Variants in ADIPOR2 observed in about 807,000 individuals in gnomAD.
The protein encoded by ADIPOR2 is adiponectin receptor 2, also known as adiponectin receptor protein 2.
In ADIPOR2, 18 loss-of-function variants were observed where a neutral mutation model predicts 40.9. The observed-to-expected ratio is 0.44, with a 90% confidence interval of 0.30 to 0.65. The LOEUF (loss-of-function observed/expected upper bound fraction) is 0.65, where lower values mean the gene tolerates loss of function less well. ADIPOR2 is among the 30% of genes least tolerant of loss of function. The pLI, the probability that ADIPOR2 is intolerant of heterozygous loss-of-function variation, is 0.09. For missense variants in ADIPOR2, 283 were observed against 479.2 expected, an observed-to-expected ratio of 0.59 and a Z score of 3.82; for synonymous variants, 165 against 166.4, an observed-to-expected ratio of 0.99 and a Z score of 0.06.
chr12:1,771,195 C>T (rs1862486916), intron 2 of ADIPOR2, among the ~76,000 whole-genome samples: 1 of 152,030 alleles, frequency 6.6e-6, no homozygotes. Flanking sequence ...TGGTGCATAC[C>T]TGTAGTGCAC....
chr12:1,775,654 C>G (rs2154444263), intron 3 of ADIPOR2, among the ~76,000 whole-genome samples: 1 of 152,242 alleles, frequency 6.6e-6, no homozygotes. Context: ...TCTTCCTCTC[C>G]CTCTCAGAAA....
At chr12:1,742,029 T>TA (rs2094743893) in intron 1 of ADIPOR2, among the ~76,000 whole-genome samples, 1 of 152,016 alleles carries the variant, frequency 6.6e-6, no homozygotes, top group Non-Finnish European at 1.5e-5. Flanking sequence ...GACAAAATCT[T>TA]ATGATTGTTG....
At chr12:1,757,262 T>C (rs1862152407) in intron 2 of ADIPOR2, 1 of 585,982 alleles carries the variant, frequency 1.7e-6, no homozygotes, top group South Asian at 2.0e-5. Context: ...CGCCAGTCTT[T>C]TGTCTTTCTT....
At chr12:1,780,797 G>T in intron 5 of ADIPOR2, 92 bp from the exon 6 acceptor site, 2 of 1,387,944 alleles carry the variant, frequency 1.4e-6, no homozygotes, top group South Asian at 1.5e-5. Context: ...AGGTGTCGTT[G>T]ATGGCTTATG....
At chr12:1,755,111 T>C (rs1349247407) in intron 2 of ADIPOR2, among the ~76,000 whole-genome samples, 693 of 70,802 alleles carry the variant, frequency 9.8e-3, no homozygotes, top group Middle Eastern at 0.025. Flanking sequence ...GACGGAGTCT[T>C]GTTCTGTCGC....
chr12:1,750,047 G>C (rs2094765619), intron 1 of ADIPOR2, among the ~76,000 whole-genome samples: 1 of 151,584 alleles, frequency 6.6e-6, no homozygotes, highest in South Asian at 2.1e-4. Context: ...TGCCCAGGCT[G>C]GTCTCAAACT....
intron 1 of ADIPOR2, among the ~76,000 whole-genome samples, chr12:1,694,385 G>A (rs922816657): frequency 6.6e-6 from 1 of 152,176 alleles, no homozygotes; most frequent in Admixed American, 6.5e-5. Context: ...ATGCACAGAT[G>A]CTCAAATCTC....
Position 1,754,382 on chromosome 12 carries a change from G to T in ADIPOR2, c.39G>T (p.Arg13Ser). ...CAGAAAACCGATTGGGGTGCAGCAGGACTCCAGAGCCAGATATAAGGCTCA... is the reference window on the plus strand; with the variant it reads ...CAGAAAACCGATTGGGGTGCAGCAGTACTCCAGAGCCAGATATAAGGCTCA... ...EPTENRLGCS[R>S]TPEPDIRLRK... Residue 13 changes from arginine (R) to serine (S), a missense_variant, in exon 2 of 8, where the codon AGG (arginine) becomes AGT (serine). Arg to Ser is a moderately radical substitution (Grantham distance 110). Coordinates refer to ENST00000357103, the MANE Select transcript of ADIPOR2 (RefSeq NM_024551.3). 1 of 1,611,946 alleles carries T rather than the reference G, an allele frequency of 6.2e-7. No homozygotes were observed. Among genetic ancestry groups the T allele is most frequent in the Non-Finnish European group, 8.5e-7 (1 of 1,179,088 alleles).
chr12:1,777,649 C>T (rs1323661068), intron 3 of ADIPOR2, among the ~76,000 whole-genome samples: 1 of 152,056 alleles, frequency 6.6e-6, no homozygotes, highest in Non-Finnish European at 1.5e-5. Flanking sequence ...AAGCCTTAGC[C>T]ACCATGCCCG....
chr12:1,743,994 C>G (rs1053468169), intron 1 of ADIPOR2, among the ~76,000 whole-genome samples: 2 of 152,040 alleles, frequency 1.3e-5, no homozygotes, highest in East Asian at 1.9e-4. Flanking sequence ...ATGTTTAGCT[C>G]AAATTTATGT....
At chr12:1,771,232 G>T (rs1037568707) in intron 2 of ADIPOR2, among the ~76,000 whole-genome samples, 1 of 152,158 alleles carries the variant, frequency 6.6e-6, no homozygotes, top group Admixed American at 6.5e-5. Flanking sequence ...GCGCACAGTG[G>T]TGTACACCTG....
intron 1 of ADIPOR2, among the ~76,000 whole-genome samples, chr12:1,707,281 G>A (rs1223904077): frequency 6.6e-6 from 1 of 152,154 alleles, no homozygotes; most frequent in Admixed American, 6.5e-5. Context: ...GGGCAAATAG[G>A]AGTAGAATAG....
chr12:1,740,027 G>T (rs1262143651), intron 1 of ADIPOR2, among the ~76,000 whole-genome samples: 3 of 152,052 alleles, frequency 2.0e-5, no homozygotes, highest in Non-Finnish European at 4.4e-5. Flanking sequence ...GCTTGAACCC[G>T]GGAGGCAGAG....
At chr12:1,774,053 A>G (rs1430479819) in intron 3 of ADIPOR2, among the ~76,000 whole-genome samples, 1 of 152,222 alleles carries the variant, frequency 6.6e-6, no homozygotes, top group Non-Finnish European at 1.5e-5. Flanking sequence ...GAACAGAACA[A>G]TAGATTCATT....
At chr12:1,702,543 G>T (rs2154441432) in intron 1 of ADIPOR2, among the ~76,000 whole-genome samples, 1 of 152,126 alleles carries the variant, frequency 6.6e-6, no homozygotes, top group Non-Finnish European at 1.5e-5. Context: ...TTGATTATGG[G>T]GTTGAGTATG....
chr12:1,770,571 T>TA (rs1325782100), intron 2 of ADIPOR2, among the ~76,000 whole-genome samples: 1 of 152,242 alleles, frequency 6.6e-6, no homozygotes, highest in Admixed American at 6.5e-5. Flanking sequence ...ATTTCGTGTT[T>TA]AATTAGGCAC....
chr12:1,768,251 T>A (rs1411437044), intron 2 of ADIPOR2, among the ~76,000 whole-genome samples: 1 of 152,222 alleles, frequency 6.6e-6, no homozygotes. Context: ...TCCACTAACA[T>A]TTAAATACCT....
At chr12:1,709,408 G>A (rs970788090) in intron 1 of ADIPOR2, among the ~76,000 whole-genome samples, 4 of 152,148 alleles carry the variant, frequency 2.6e-5, no homozygotes, top group Non-Finnish European at 5.9e-5. Context: ...GTGCTAGTAT[G>A]TAGATTACAA....
chr12:1,738,452 G>A (rs2094735865), intron 1 of ADIPOR2, among the ~76,000 whole-genome samples: 1 of 152,128 alleles, frequency 6.6e-6, no homozygotes, highest in Admixed American at 6.5e-5. Context: ...AAAAGCACAA[G>A]CCCTGTAATT....
Sources: allele counts gnomAD v4.1 joint callset (sites outside exome capture counted in the v4.1 genomes callset), GRCh38; gene constraint gnomAD v4.1.1; transcripts MANE v1.5; gene names NCBI Gene and HGNC (gene_info 2026-07-23, HGNC 2026-07-21).